CLPB: variants seen among roughly 807,000 people sequenced by gnomAD.
CLPB encodes the protein mitochondrial disaggregase.
A neutral mutation model predicts 78.4 loss-of-function variants in CLPB; 40 were observed. The observed-to-expected ratio is 0.51, with a 90% CI of 0.40 to 0.66. CLPB has a LOEUF of 0.66. Ranked by LOEUF, CLPB falls within the 30% of genes least tolerant of loss-of-function variation. CLPB has a pLI of 0.00. For synonymous variants in CLPB, 333 were observed against 348.0 expected (o/e 0.96, Z 0.48); for missense variants, 780 against 886.9 (o/e 0.88, Z 1.53).
At chr11:72,388,421 T>G (rs1855149065) in intron 3 of CLPB, among the ~76,000 whole-genome samples, 3 of 152,004 alleles carry the variant, frequency 2.0e-5, no homozygotes, top group African/African-American at 7.2e-5. Flanking sequence ...CGGCTAATTT[T>G]TTTGCATTTT....
At chr11:72,307,048 C>T in intron 9 of CLPB, 151 bp downstream of exon 9, 1 of 604,428 alleles carries the variant, frequency 1.7e-6, no homozygotes, top group Non-Finnish European at 2.9e-6. Flanking sequence ...AACTGGTGGC[C>T]AAGTTGGGGC....
Position 72,295,515 on chromosome 11 carries a change from C to A in CLPB, c.1463G>T (p.Arg488Leu). Reference sequence around the variant, plus strand: ...ACCCAGGTTTTCGGCAATACGGTTACGGCTCATCTCCAAAGCTTCCTGCCT... The same window carrying A: ...ACCCAGGTTTTCGGCAATACGGTTAAGGCTCATCTCCAAAGCTTCCTGCCT... Reference protein sequence around the residue: ...QLRQEALEMSRNRIAENLGDV... With the variant: ...QLRQEALEMSLNRIAENLGDV... The change falls in exon 12 of 16, where the codon CGT becomes CTT. Residue 488 changes from arginine (R) to leucine (L), a missense_variant. Arg to Leu is a moderately radical substitution (Grantham distance 102, BLOSUM62 -2). Coordinates refer to ENST00000538039, the MANE Select transcript of CLPB (RefSeq NM_001258392.3). The A allele has an allele frequency of 1.2e-6, 2 of 1,614,180 alleles. No homozygotes were observed. Among genetic ancestry groups the A allele is most frequent in the South Asian group, 2.2e-5 (2 of 91,078 alleles).
chr11:72,378,865 A>G (rs1854807326), intron 4 of CLPB, among the ~76,000 whole-genome samples: 1 of 152,242 alleles, frequency 6.6e-6, no homozygotes, highest in South Asian at 2.1e-4. Flanking sequence ...TGAGAGTTCA[A>G]GTAACCATAC....
chr11:72,356,511 CCT>C (rs1275012661), intron 5 of CLPB, among the ~76,000 whole-genome samples: 1 of 152,046 alleles, frequency 6.6e-6, no homozygotes, highest in African/African-American at 2.4e-5. Context: ...GCCTGCAGGC[CCT>C]GAGTGACGGC....
At chr11:72,337,099 AGC>A in intron 5 of CLPB, 1 of 398,648 alleles carries the variant, frequency 2.5e-6, no homozygotes, top group East Asian at 3.6e-5. Context: ...CTCAAGTCAG[AGC>A]CAATTCTCCT....
chr11:72,293,981 G>A (rs372567703), intron 15 of CLPB, 41 bp downstream of exon 15: 4 of 1,547,408 alleles, frequency 2.6e-6, no homozygotes, highest in Non-Finnish European at 3.5e-6. Context: ...CCTGGGGAGG[G>A]AGGTGTGGAG....
At chr11:72,386,987 C>T (rs1855097155) in intron 3 of CLPB, among the ~76,000 whole-genome samples, 1 of 152,120 alleles carries the variant, frequency 6.6e-6, no homozygotes, top group Non-Finnish European at 1.5e-5. Context: ...GGCAAACTAA[C>T]TGAAAGCACT....
intron 5 of CLPB, among the ~76,000 whole-genome samples, chr11:72,358,622 T>A (rs946948353): frequency 2.6e-5 from 4 of 152,066 alleles, no homozygotes; most frequent in African/African-American, 9.7e-5. Flanking sequence ...ACACCACATA[T>A]AGGCAGAGAA....
At chr11:72,318,198 G>A (rs1285861942) in intron 6 of CLPB, among the ~76,000 whole-genome samples, 4 of 152,216 alleles carry the variant, frequency 2.6e-5, no homozygotes, top group Admixed American at 6.5e-5. Context: ...GGCATAGTGG[G>A]GCATCTGGTG....
chr11:72,306,637 C>T (rs930783516), intron 9 of CLPB, among the ~76,000 whole-genome samples: 2 of 152,136 alleles, frequency 1.3e-5, no homozygotes, highest in South Asian at 2.1e-4. Flanking sequence ...GGAAGGGGGA[C>T]TATAAGTATC....
At chr11:72,321,070 G>A (rs2135534616) in intron 6 of CLPB, among the ~76,000 whole-genome samples, 1 of 150,710 alleles carries the variant, frequency 6.6e-6, no homozygotes, top group East Asian at 2.0e-4. Flanking sequence ...ACTAGAGAAG[G>A]AAAAATACTT....
chr11:72,430,731 G>A (rs910681920), intron 1 of CLPB, among the ~76,000 whole-genome samples: 1 of 152,144 alleles, frequency 6.6e-6, no homozygotes, highest in Non-Finnish European at 1.5e-5. Context: ...CCCTGATCTT[G>A]TCCACTTTCT....
intron 7 of CLPB, among the ~76,000 whole-genome samples, chr11:72,309,510 C>T (rs992640485): frequency 7.2e-5 from 11 of 152,086 alleles, no homozygotes; most frequent in African/African-American, 2.7e-4. Flanking sequence ...TCACCAACAA[C>T]GTATCTATTC....
chr11:72,302,650 A>C (rs1590765501), intron 9 of CLPB: 3 of 350,090 alleles, frequency 8.6e-6, no homozygotes, highest in East Asian at 6.0e-5. Flanking sequence ...TCATCCACCC[A>C]CCCATCCATC....
At chr11:72,346,529 G>C (rs998684242) in intron 5 of CLPB, among the ~76,000 whole-genome samples, 41 of 151,192 alleles carry the variant, frequency 2.7e-4, no homozygotes, top group South Asian at 6.3e-4. Context: ...CAGCAAGGTA[G>C]ATACGAGATG....
rs556625952 is a variant in CLPB, at chr11:72,401,654, C to T, written c.542+1312G>A. Among the ~76,000 whole-genome samples, 17 of 152,306 alleles carry T rather than the reference C, an allele frequency of 1.1e-4. No individual in the cohort carries two copies. In the South Asian group the frequency reaches 3.5e-3, roughly 32 times the overall value. On this transcript the variant is annotated intron_variant, in intron 3 of 15. Transcript: ENST00000538039. ...AATCCCAGTTACATTTGTTCTTTCA[C>T]ATTTATAATCCTTTCACAGGTGGCC...
At chr11:72,373,489 A>T (rs1386122235) in intron 4 of CLPB, among the ~76,000 whole-genome samples, 1 of 152,216 alleles carries the variant, frequency 6.6e-6, no homozygotes, top group Non-Finnish European at 1.5e-5. Flanking sequence ...ACTGAATGGA[A>T]TGTGGTTGAG....
At position 72,349,476 on chromosome 11, in the gene CLPB, G is replaced by A. The variant is rs181503448; in HGVS notation, c.775+9404C>T. 7.9e-5 allele frequency among the ~76,000 whole-genome samples: 12 copies of A among 152,348 alleles called. No homozygotes were observed. The East Asian group carries it at 2.3e-3, about 29-fold the overall frequency. ...CTGCCTGGCTTCTGTATCTTAGGAA[G>A]ACAGCACATGAATGCTAGAAGCAAA... On this transcript the variant is annotated intron_variant, in intron 5 of 15. Coordinates refer to ENST00000538039, the MANE Select transcript of CLPB (RefSeq NM_001258392.3).
At chr11:72,310,642 G>A (rs1949828547) in intron 7 of CLPB, among the ~76,000 whole-genome samples, 1 of 152,204 alleles carries the variant, frequency 6.6e-6, no homozygotes, top group Admixed American at 6.5e-5. Flanking sequence ...TGACGTGAAA[G>A]GAGCCGTGTT....
Sources: allele counts gnomAD v4.1 joint callset (sites outside exome capture counted in the v4.1 genomes callset), GRCh38; gene constraint gnomAD v4.1.1; transcripts MANE v1.5; gene names NCBI Gene and HGNC (gene_info 2026-07-23, HGNC 2026-07-21).